SGMS1: variants seen among roughly 807,000 people sequenced by gnomAD.
SGMS1 encodes sphingomyelin synthase 1, also known as phosphatidylcholine:ceramide cholinephosphotransferase 1.
SGMS1 carries 13 observed loss-of-function variants against 46.2 expected under a neutral mutation model. That is an observed-to-expected ratio of 0.28 (90% confidence interval 0.18 to 0.45). The LOEUF is 0.45. SGMS1 is among the 20% of genes least tolerant of loss of function. SGMS1 has a pLI of 1.00. For missense variants in SGMS1, 324 were observed against 519.9 expected, an observed-to-expected ratio of 0.62 and a Z score of 3.66; for synonymous variants, 203 against 187.8, an observed-to-expected ratio of 1.08 and a Z score of -0.66.
intron 6 of SGMS1, among the ~76,000 whole-genome samples, chr10:50,412,150 G>A (rs943741978): frequency 3.9e-5 from 6 of 152,046 alleles, no homozygotes; most frequent in Non-Finnish European, 4.4e-5. Flanking sequence ...AGCTGCTGGG[G>A]GCAGAGGGTA....
At chr10:50,564,968 T>C (rs1838275584) in intron 2 of SGMS1, among the ~76,000 whole-genome samples, 1 of 152,106 alleles carries the variant, frequency 6.6e-6, no homozygotes. Context: ...TGGCTGCAGG[T>C]TTTGCCCCTT....
chr10:50,354,796 C>A (rs1208229490), intron 6 of SGMS1, among the ~76,000 whole-genome samples: 1 of 152,196 alleles, frequency 6.6e-6, no homozygotes, highest in African/African-American at 2.4e-5. Context: ...TGAACAGACA[C>A]TTCTCAAAAG....
At chr10:50,497,430 T>G (rs1837624159) in intron 3 of SGMS1, among the ~76,000 whole-genome samples, 1 of 152,198 alleles carries the variant, frequency 6.6e-6, no homozygotes, top group Non-Finnish European at 1.5e-5. Context: ...CATATTAAAC[T>G]TGTCCATATG....
At chr10:50,497,212 T>C (rs2133750310) in intron 3 of SGMS1, among the ~76,000 whole-genome samples, 2 of 152,340 alleles carry the variant, frequency 1.3e-5, no homozygotes, top group South Asian at 4.1e-4. Context: ...TGATCCTAAT[T>C]CTCCTTTGAT....
chr10:50,452,168 A>T (rs191829572), intron 5 of SGMS1, among the ~76,000 whole-genome samples: 91 of 152,298 alleles, frequency 6.0e-4, no homozygotes, highest in African/African-American at 1.9e-3. Context: ...ATAAATACAT[A>T]TAATAAAATG....
chr10:50,561,477 T>C (rs1016913559), intron 2 of SGMS1, among the ~76,000 whole-genome samples: 2 of 152,258 alleles, frequency 1.3e-5, no homozygotes, highest in Non-Finnish European at 2.9e-5. Context: ...AAACCTTCTA[T>C]GATTCTGAAA....
intron 3 of SGMS1, among the ~76,000 whole-genome samples, chr10:50,501,580 C>G (rs1006818811): frequency 6.6e-5 from 10 of 152,152 alleles, no homozygotes; most frequent in Non-Finnish European, 1.2e-4. Flanking sequence ...TGAGCTAAAA[C>G]AGCTTGTAAA....
At chr10:50,373,428 C>G (rs1257075024) in intron 6 of SGMS1, among the ~76,000 whole-genome samples, 1 of 152,096 alleles carries the variant, frequency 6.6e-6, no homozygotes, top group Non-Finnish European at 1.5e-5. Flanking sequence ...TGCATTAATA[C>G]CCAAACCATT....
intron 2 of SGMS1, among the ~76,000 whole-genome samples, chr10:50,566,774 A>T (rs2131850123): frequency 6.6e-6 from 1 of 152,338 alleles, no homozygotes; most frequent in South Asian, 2.1e-4. Flanking sequence ...CACAAAATCT[A>T]CAAAGCTTAA....
chr10:50,589,539 G>GGA (rs1838519837), intron 2 of SGMS1, among the ~76,000 whole-genome samples: 2 of 151,358 alleles, frequency 1.3e-5, no homozygotes, highest in Non-Finnish European at 2.9e-5. Context: ...GCTCCATCAC[G>GGA]GCTCACTACA....
At chr10:50,560,828 C>T (rs1332951747) in intron 2 of SGMS1, among the ~76,000 whole-genome samples, 1 of 151,958 alleles carries the variant, frequency 6.6e-6, no homozygotes, top group East Asian at 1.9e-4. Flanking sequence ...GTGTTAATGC[C>T]AGACACTGAG....
intron 1 of SGMS1, among the ~76,000 whole-genome samples, chr10:50,606,678 T>G (rs1305902669): frequency 6.6e-6 from 1 of 152,236 alleles, no homozygotes; most frequent in East Asian, 1.9e-4. Context: ...CAGGATGCAT[T>G]CTTCAAATGT....
chr10:50,537,550 G>A (rs1176551647), intron 2 of SGMS1, among the ~76,000 whole-genome samples: 1 of 151,764 alleles, frequency 6.6e-6, no homozygotes, highest in Non-Finnish European at 1.5e-5. Context: ...TTGGTGTGCT[G>A]CACCCATTAA....
intron 1 of SGMS1, among the ~76,000 whole-genome samples, chr10:50,606,834 C>T (rs749585918): frequency 1.3e-5 from 2 of 152,154 alleles, no homozygotes; most frequent in South Asian, 2.1e-4. Flanking sequence ...TTTCAAATGT[C>T]GGTGAACATT....
At chr10:50,556,520 T>C (rs1838190382) in intron 2 of SGMS1, among the ~76,000 whole-genome samples, 1 of 152,078 alleles carries the variant, frequency 6.6e-6, no homozygotes, top group Admixed American at 6.5e-5. Flanking sequence ...GAAACAGGTG[T>C]ACCACAGGAA....
chr10:50,624,848 C>A, upstream of SGMS1: 1 of 992,712 alleles, frequency 1.0e-6, no homozygotes, highest in Non-Finnish European at 1.2e-6. Flanking sequence ...ACAGGCAGCC[C>A]GAGGCCGTGC....
chr10:50,541,328 C>T (rs1838050402), intron 2 of SGMS1, among the ~76,000 whole-genome samples: 1 of 152,160 alleles, frequency 6.6e-6, no homozygotes, highest in South Asian at 2.1e-4. Context: ...CCTCTCAAAG[C>T]AACTTAATTC....
chr10:50,452,150 AT>A (rs1261542775), intron 5 of SGMS1, among the ~76,000 whole-genome samples: 1 of 152,190 alleles, frequency 6.6e-6, no homozygotes, highest in Non-Finnish European at 1.5e-5. Context: ...ATATTAGAAA[AT>A]TAATCTATAA....
chr10:50,611,219 G>A (rs189531242), intron 1 of SGMS1, among the ~76,000 whole-genome samples: 4 of 152,200 alleles, frequency 2.6e-5, no homozygotes, highest in Non-Finnish European at 5.9e-5. Context: ...GAATCAACAC[G>A]CACTCTCTCT....
Sources: allele counts gnomAD v4.1 joint callset (sites outside exome capture counted in the v4.1 genomes callset), GRCh38; gene constraint gnomAD v4.1.1; transcripts MANE v1.5; gene names NCBI Gene and HGNC (gene_info 2026-07-23, HGNC 2026-07-21).